The following FABP3 variants were observed in gnomAD, a reference collection of about 807,000 sequenced individuals.
The protein encoded by FABP3 is fatty acid binding protein 3.
Under a neutral mutation model 13.4 loss-of-function variants are expected in FABP3, and 8 were observed. The observed-to-expected ratio is 0.60, with a 90% CI of 0.35 to 1.07. The LOEUF (loss-of-function observed/expected upper bound fraction) is 1.07, where lower values mean the gene tolerates loss of function less well. FABP3 is among the 50% of genes least tolerant of loss of function. The pLI is 0.02. For missense variants in FABP3, 135 were observed against 164.7 expected (o/e 0.82, Z 0.99); for synonymous variants, 64 against 60.0 (o/e 1.07, Z -0.31).
At chr1:31,372,834 C>G in intron 1 of FABP3, 108 bp downstream of exon 1, 4 of 1,121,642 alleles carry the variant, frequency 3.6e-6, no homozygotes, top group Non-Finnish European at 5.3e-6. Flanking sequence ...CCGCGCTCCC[C>G]TATTCCCCAG....
rs5773353 is a variant in FABP3 at position 31,365,704 on chromosome 1, T to TAA, written c.*180_*181dup. ...CCTCAGAGCACCCTATGAGTGCAGTTAAAAAAAAAAAAAAAAAACCACATA... is the reference window on the plus strand; with the variant it reads ...CCTCAGAGCACCCTATGAGTGCAGTTAAAAAAAAAAAAAAAAAAAACCACATA... On this transcript the variant is annotated 3_prime_UTR_variant, in exon 4 of 4. Coordinates refer to ENST00000373713, the MANE Select transcript of FABP3 (RefSeq NM_004102.5). 22,114 of 451,700 alleles carry TAA rather than the reference T, an allele frequency of 0.049. 418 individuals are homozygous for TAA. The highest frequency in any genetic ancestry group is 0.14 in the African/African-American group (6,370 of 44,068). The allele number at this position is 451,700 out of a possible 1,614,324, so 28.0% of individuals were successfully genotyped here.
chr1:31,365,814 A>C lies in FABP3; in HGVS notation c.*72T>G, dbSNP rs533593819. ...GATTTGTACAAAATGCAGAGGAAGA[A>C]ATGAGGCAATGTGGTGCTGAGTCGA... On this transcript the variant is annotated 3_prime_UTR_variant, in exon 4 of 4. Coordinates refer to ENST00000373713, the MANE Select transcript of FABP3 (RefSeq NM_004102.5). 8 of 1,371,486 alleles carry C rather than the reference A, an allele frequency of 5.8e-6. No individual in the cohort carries two copies. In the South Asian group the frequency reaches 5.9e-5, roughly 10 times the overall value. The allele number at this position is 1,371,486 out of a possible 1,614,324, so 85.0% of individuals were successfully genotyped here. A position where few individuals can be genotyped will look rare whatever the true frequency, so the allele number is the denominator to read the frequency against.
chr1:31,364,102 C>T (rs1258235355), downstream of FABP3: 3 of 1,613,732 alleles, frequency 1.9e-6, no homozygotes, highest in Admixed American at 1.7e-5. Context: ...GAGAGTGATA[C>T]AGGCAAGAGG....
chr1:31,367,519 A>AG (rs767416509), intron 2 of FABP3, 25 bp from the exon 3 acceptor site: 1 of 1,594,340 alleles, frequency 6.3e-7, no homozygotes, highest in South Asian at 1.1e-5. Flanking sequence ...TAGAGGCCTG[A>AG]GCTGTGATCT....
At chr1:31,367,010 A>T (rs867972550) in intron 3 of FABP3, among the ~76,000 whole-genome samples, 1 of 152,202 alleles carries the variant, frequency 6.6e-6, no homozygotes, top group African/African-American at 2.4e-5. Context: ...CAAGGTAGAA[A>T]CACAGGAAGA....
chr1:31,368,316 C>T (rs1377287372), intron 2 of FABP3, among the ~76,000 whole-genome samples: 2 of 152,178 alleles, frequency 1.3e-5, no homozygotes, highest in South Asian at 2.1e-4. Context: ...TTATCCTTAC[C>T]TTACTCCTTG....
rs1292430209 is a variant in FABP3, at chr1:31,365,911, G to A, written c.377C>T (p.Thr126Ile). The A allele has an allele frequency of 5.0e-6, 8 of 1,613,952 alleles. No homozygotes were observed. The South Asian group carries it at 5.5e-5, about 11-fold the overall frequency. Residue 126 changes from threonine (T) to isoleucine (I), a missense_variant, in exon 4 of 4, where the codon ACT (threonine) becomes ATT (isoleucine). Physicochemically the swap from Thr to Ile is moderately conservative, Grantham distance 89 (BLOSUM62 -1). Transcript: ENST00000373713. The stretch of plus-strand genomic sequence containing the variant: ...TCATGCCTCTTTCTCATAAGTGCGA[G>A]TGCAAACTGCAGTGCCGTGGGTGAG... ...LTLTHGTAVC[T>I]RTYEKEA
chr1:31,366,580 C>T (rs1210274142), intron 3 of FABP3, among the ~76,000 whole-genome samples: 1 of 152,206 alleles, frequency 6.6e-6, no homozygotes, highest in Non-Finnish European at 1.5e-5. Flanking sequence ...TATGCTGACC[C>T]AAGAAGGTGT....
At position 31,368,376 on chromosome 1, in the gene FABP3, C is replaced by T. The variant is rs557625539; in HGVS notation, c.247-882G>A. ...CCTACTCAGAGTAGATATTTTTGCCCTAGGCATTCCACAGGGCTATTGTGT... is the reference window on the plus strand; with the variant it reads ...CCTACTCAGAGTAGATATTTTTGCCTTAGGCATTCCACAGGGCTATTGTGT... On this transcript the variant is annotated intron_variant, in intron 2 of 3. Transcript: ENST00000373713. 3.9e-5 allele frequency among the ~76,000 whole-genome samples: 6 copies of T among 152,240 alleles called. No homozygotes were observed. The South Asian group carries it at 8.3e-4, about 21-fold the overall frequency.
At chr1:31,364,290 C>T (rs1203549085), downstream of FABP3, 5 of 1,465,248 alleles carry the variant, frequency 3.4e-6, no homozygotes, top group African/African-American at 2.9e-5. Context: ...TATAGCCTCC[C>T]ACCCCATTAA....
At chr1:31,370,010 C>A (rs1463086195) in intron 1 of FABP3, among the ~76,000 whole-genome samples, 1 of 150,034 alleles carries the variant, frequency 6.7e-6, no homozygotes, top group African/African-American at 2.5e-5. Context: ...GAGGCTGAGG[C>A]TGAGAATTGC....
downstream of FABP3, chr1:31,364,300 A>AAT: frequency 6.9e-7 from 1 of 1,448,082 alleles, no homozygotes; most frequent in South Asian, 1.5e-5. Flanking sequence ...CACCCCATTA[A>AAT]CTTCGCTCCC....
chr1:31,371,253 G>A (rs1250433249), intron 1 of FABP3, among the ~76,000 whole-genome samples: 1 of 152,190 alleles, frequency 6.6e-6, no homozygotes, highest in Non-Finnish European at 1.5e-5. Context: ...TTGCCCCTTG[G>A]TATCAGGATG....
At chr1:31,360,286 C>T (rs1163866960), downstream of FABP3, among the ~76,000 whole-genome samples, 4 of 152,266 alleles carry the variant, frequency 2.6e-5, no homozygotes, top group African/African-American at 9.6e-5. Flanking sequence ...TCTCCTGCCT[C>T]AGCCTCCCGA....
At chr1:31,369,966 G>A (rs1162155014) in intron 1 of FABP3, among the ~76,000 whole-genome samples, 1 of 152,102 alleles carries the variant, frequency 6.6e-6, no homozygotes, top group African/African-American at 2.4e-5. Context: ...TTAGCCAGAT[G>A]TGGTGGTATG....
chr1:31,364,312 T>C, downstream of FABP3: 1 of 1,436,316 alleles, frequency 7.0e-7, no homozygotes, highest in East Asian at 2.5e-5. Flanking sequence ...TTCGCTCCCA[T>C]GGGAGATGGC....
chr1:31,364,101 A>T, downstream of FABP3: 1 of 1,613,928 alleles, frequency 6.2e-7, no homozygotes. Context: ...TGAGAGTGAT[A>T]CAGGCAAGAG....
At position 31,372,966 on chromosome 1, in the gene FABP3, A is replaced by T; in HGVS notation, c.49T>A (p.Phe17Ile). ...CCGAGTGACTTCATGTAGTCATCGA[A>T]ATTCTTGCTGTCCACTAGCTTCCAG... The part of the protein sequence containing the change: ...GTWKLVDSKN[F>I]DDYMKSLGVG... The change falls in exon 1 of 4, where the codon TTC becomes ATC. Residue 17 changes from phenylalanine to isoleucine, a missense_variant. Transcript: ENST00000373713. The T allele has an allele frequency of 1.9e-6, 3 of 1,613,908 alleles. No individual in the cohort carries two copies. Among genetic ancestry groups the T allele is most frequent in the Non-Finnish European group, 2.5e-6 (3 of 1,180,030 alleles).
chr1:31,368,595 T>G (rs898445796), intron 2 of FABP3, among the ~76,000 whole-genome samples: 33 of 152,122 alleles, frequency 2.2e-4, no homozygotes, highest in African/African-American at 7.7e-4. Context: ...TGGGGCTGAA[T>G]GATAGTGTCA....
Sources: allele counts gnomAD v4.1 joint callset (sites outside exome capture counted in the v4.1 genomes callset), GRCh38; gene constraint gnomAD v4.1.1; transcripts MANE v1.5; gene names NCBI Gene and HGNC (gene_info 2026-07-23, HGNC 2026-07-21).